Variants in KLF15 observed in about 807,000 individuals in gnomAD.
KLF15 encodes Krueppel-like factor 15.
A neutral mutation model predicts 24.6 loss-of-function variants in KLF15; 4 were observed. The observed-to-expected ratio is 0.16, with a 90% confidence interval of 0.08 to 0.37. The LOEUF (loss-of-function observed/expected upper bound fraction) is 0.37, where lower values mean the gene tolerates loss of function less well. Ranked by LOEUF, KLF15 falls within the 10% of genes least tolerant of loss-of-function variation. The probability of loss-of-function intolerance (pLI) is 1.00; values close to 1 mark genes in which losing one functional copy is unlikely to be tolerated. For missense variants in KLF15, 496 were observed against 560.6 expected, an observed-to-expected ratio of 0.88 and a Z score of 1.16; for synonymous variants, 246 against 236.3, an observed-to-expected ratio of 1.04 and a Z score of -0.37.
chr3:126,300,262 C>T, the KLF15 span, among the ~76,000 whole-genome samples: 16 of 152,312 alleles, frequency 1.1e-4, no homozygotes, highest in Middle Eastern at 3.4e-3. Context: ...TGAGCGGCTT[C>T]CTTTCCTGGC....
chr3:126,321,099 C>G, the KLF15 span, among the ~76,000 whole-genome samples: 1 of 152,172 alleles, frequency 6.6e-6, no homozygotes, highest in Non-Finnish European at 1.5e-5. Flanking sequence ...GGCTCTGTCT[C>G]TGTCCTCACA....
In KLF15 at chr3:126,352,917, C is replaced by T. The variant is rs753367081; in HGVS notation, c.6G>A (p.Val2=). ...TCTCGTCCACTGGAAGTAAGTGGTC[C>T]ACCATGCTGGCCTGGCCGTGCCGGT... The part of the protein sequence containing the change: M[V]DHLLPVDENF... The change falls in exon 2 of 3, where the codon GTG becomes GTA. Residue 2 remains valine (V), a synonymous_variant. Transcript: ENST00000296233. 1 of 1,603,396 alleles carries T rather than the reference C, an allele frequency of 6.2e-7. No individual in the cohort carries two copies. The highest frequency in any genetic ancestry group is 8.5e-7 in the Non-Finnish European group (1 of 1,174,596).
At chr3:126,326,886 T>G in the KLF15 span, among the ~76,000 whole-genome samples, 2 of 152,246 alleles carry the variant, frequency 1.3e-5, no homozygotes, top group Non-Finnish European at 2.9e-5. Flanking sequence ...TTAACTATAA[T>G]TAATAAATAA....
downstream of KLF15, among the ~76,000 whole-genome samples, chr3:126,337,984 A>G (rs1362976892): frequency 6.6e-6 from 1 of 152,206 alleles, no homozygotes; most frequent in Non-Finnish European, 1.5e-5. Flanking sequence ...TAGGATGCCC[A>G]GTGTAGTGCA....
the KLF15 span, among the ~76,000 whole-genome samples, chr3:126,333,990 A>C: frequency 1.3e-5 from 2 of 152,012 alleles, no homozygotes; most frequent in Non-Finnish European, 2.9e-5. Flanking sequence ...TTAACACCCC[A>C]CTGTCAACAT....
chr3:126,337,591 A>T, the KLF15 span, among the ~76,000 whole-genome samples: 1 of 149,670 alleles, frequency 6.7e-6, no homozygotes, highest in African/African-American at 2.5e-5. Flanking sequence ...AAAAAAGTCT[A>T]GTGGGAAGAG....
At chr3:126,307,370 G>C in the KLF15 span, among the ~76,000 whole-genome samples, 1 of 152,202 alleles carries the variant, frequency 6.6e-6, no homozygotes, top group Non-Finnish European at 1.5e-5. Flanking sequence ...TCTGGGAGGC[G>C]GACTGGGGAC....
chr3:126,320,968 C>T, the KLF15 span, among the ~76,000 whole-genome samples: 2 of 152,086 alleles, frequency 1.3e-5, no homozygotes, highest in African/African-American at 4.8e-5. Flanking sequence ...GATCCTCAGT[C>T]CCGGAAAGGT....
chr3:126,302,451 T>C, the KLF15 span, among the ~76,000 whole-genome samples: 1 of 152,192 alleles, frequency 6.6e-6, no homozygotes, highest in African/African-American at 2.4e-5. Flanking sequence ...TGTTTATTTC[T>C]TTTATCAGTT....
the KLF15 span, among the ~76,000 whole-genome samples, chr3:126,329,703 T>C: frequency 6.7e-6 from 1 of 149,572 alleles, no homozygotes; most frequent in East Asian, 2.0e-4. Context: ...TTGCAATGAA[T>C]TATAGATCAA....
chr3:126,309,849 G>C, the KLF15 span, among the ~76,000 whole-genome samples: 13 of 152,184 alleles, frequency 8.5e-5, 1 homozygote, highest in East Asian at 1.9e-4. Context: ...CAGTGATAAG[G>C]GTGCCCAGGA....
chr3:126,317,299 C>T, the KLF15 span, among the ~76,000 whole-genome samples: 2 of 152,190 alleles, frequency 1.3e-5, no homozygotes, highest in African/African-American at 2.4e-5. Flanking sequence ...CCTCACACCC[C>T]AGAATGTCAG....
intron 1 of KLF15, among the ~76,000 whole-genome samples, chr3:126,355,264 A>T (rs140539880): frequency 5.0e-4 from 76 of 152,394 alleles, no homozygotes; most frequent in African/African-American, 1.8e-3. Flanking sequence ...AGATAAAGTG[A>T]TCTAAAAAGT....
In KLF15 at chr3:126,351,814, C is replaced by T. The variant is rs1423585105; in HGVS notation, c.1082+27G>A. On this transcript the variant is annotated intron_variant, in intron 2 of 2. Transcript: ENST00000296233. ...CAGACATGAGTGGCTGTGCTCACTGCCCAGGCCTGTCACTCGCTATACTGA... is the reference window on the plus strand; with the variant it reads ...CAGACATGAGTGGCTGTGCTCACTGTCCAGGCCTGTCACTCGCTATACTGA... The T allele has an allele frequency of 4.4e-6, 7 of 1,599,342 alleles. 1 individual carries two copies. In the Admixed American group the frequency reaches 1.0e-4, roughly 24 times the overall value.
intron 1 of KLF15, 126 bp downstream of exon 1, chr3:126,357,110 TC>T (rs969377096): frequency 2.5e-4 from 37 of 150,830 alleles, no homozygotes; most frequent in African/African-American, 8.8e-4. Flanking sequence ...CCGACATTCC[TC>T]CAGCACTCGC....
In KLF15 at chr3:126,343,717, C is replaced by T; in HGVS notation, c.*10G>A. The T allele has an allele frequency of 6.2e-7, 1 of 1,608,146 alleles. No homozygotes were observed. On this transcript the variant is annotated 3_prime_UTR_variant, in exon 3 of 3. Coordinates refer to ENST00000296233, the MANE Select transcript of KLF15 (RefSeq NM_014079.4). Reference sequence around the variant, plus strand: ...CCGGGGTGACGGACAGGCTGGGGTTCAGGGCGCTTTCAGTTCACGGAGCGC... The same window carrying T: ...CCGGGGTGACGGACAGGCTGGGGTTTAGGGCGCTTTCAGTTCACGGAGCGC...
Position 126,356,049 on chromosome 3 carries a change from G to T in KLF15, c.-26+1188C>A, listed in dbSNP as rs1362363839. 6.6e-6 allele frequency among the ~76,000 whole-genome samples: 1 copy of T among 152,196 alleles called. No individual in the cohort carries two copies. The highest frequency in any genetic ancestry group is 1.5e-5 in the Non-Finnish European group (1 of 68,030). Reference sequence around the variant, plus strand: ...CCGCCCCCTCCCCTGGCCCGGCCAGGCCTGCTGTTTATCCTCCCGGGGACA... The same window carrying T: ...CCGCCCCCTCCCCTGGCCCGGCCAGTCCTGCTGTTTATCCTCCCGGGGACA... On this transcript the variant is annotated intron_variant, in intron 1 of 2. Coordinates refer to ENST00000296233, the MANE Select transcript of KLF15 (RefSeq NM_014079.4). The surrounding 1 kb of genome is among the most constrained non-coding windows in gnomAD (Gnocchi z 4.4).
the KLF15 span, among the ~76,000 whole-genome samples, chr3:126,295,054 A>G: frequency 6.6e-6 from 1 of 152,236 alleles, no homozygotes; most frequent in Non-Finnish European, 1.5e-5. Flanking sequence ...ACATGCATGC[A>G]CTTATACGCA....
chr3:126,291,231 C>G, the KLF15 span: 5 of 152,228 alleles, frequency 3.3e-5, no homozygotes, highest in Admixed American at 3.3e-4. Context: ...ACCTTAAGAC[C>G]AGAGCAGCCC....
Sources: allele counts gnomAD v4.1 joint callset (sites outside exome capture counted in the v4.1 genomes callset), GRCh38; gene constraint gnomAD v4.1.1; non-coding constraint Gnocchi (gnomAD v3.1); transcripts MANE v1.5; gene names NCBI Gene and HGNC (gene_info 2026-07-23, HGNC 2026-07-21).